ADAMTS6: variants seen among roughly 807,000 people sequenced by gnomAD.
ADAMTS6 encodes the protein ADAM metallopeptidase with thrombospondin type 1 motif 6, also known as A disintegrin and metalloproteinase with thrombospondin motifs 6.
ADAMTS6 carries 23 observed loss-of-function variants against 144.3 expected under a neutral mutation model. The observed-to-expected ratio is 0.16, with a 90% CI of 0.11 to 0.23. ADAMTS6 has a LOEUF of 0.23. Among genes scored for constraint, ADAMTS6 ranks in the 10% least tolerant of loss-of-function variants. ADAMTS6 has a pLI of 1.00. For missense variants in ADAMTS6, 999 were observed against 1,379.6 expected (o/e 0.72, Z 4.37); for synonymous variants, 444 against 457.5 (o/e 0.97, Z 0.38).
In ADAMTS6 at chr5:65,343,959, A is replaced by G. The variant is rs149722694; in HGVS notation, c.1074-9874T>C. On this transcript the variant is annotated intron_variant, in intron 7 of 24. Coordinates refer to ENST00000381055, the MANE Select transcript of ADAMTS6 (RefSeq NM_197941.4). ...AACACATACATTTTTAAAATGCTCA[A>G]CATCACTAATCGTCATGCTTTTGCT... 2.7e-3 allele frequency among the ~76,000 whole-genome samples: 417 copies of G among 152,150 alleles called. 1 individual carries two copies. Among genetic ancestry groups the G allele is most frequent in the African/African-American group, 9.7e-3 (401 of 41,544 alleles).
At chr5:65,294,112 C>T (rs1017660155) in intron 10 of ADAMTS6, among the ~76,000 whole-genome samples, 2 of 152,210 alleles carry the variant, frequency 1.3e-5, no homozygotes, top group Non-Finnish European at 2.9e-5. Flanking sequence ...TACATTTCTA[C>T]ACGTTTACTA....
At chr5:65,190,052 A>G (rs1428170098) in intron 21 of ADAMTS6, among the ~76,000 whole-genome samples, 2 of 152,234 alleles carry the variant, frequency 1.3e-5, no homozygotes, top group African/African-American at 4.8e-5. Flanking sequence ...AAGTCAGAGT[A>G]CTAGTATCCT....
At chr5:65,202,474 T>C (rs1278060556) in intron 20 of ADAMTS6, among the ~76,000 whole-genome samples, 3 of 152,172 alleles carry the variant, frequency 2.0e-5, no homozygotes, top group Non-Finnish European at 4.4e-5. Context: ...TATACTTTTT[T>C]AGTACTATAA....
intron 7 of ADAMTS6, among the ~76,000 whole-genome samples, chr5:65,425,775 T>G (rs1408692513): frequency 2.0e-5 from 3 of 152,138 alleles, no homozygotes; most frequent in Non-Finnish European, 4.4e-5. Context: ...TTCTTTTTTT[T>G]TTTTTTGAGA....
At chr5:65,332,024 G>A (rs1236691265) in intron 8 of ADAMTS6, among the ~76,000 whole-genome samples, 1 of 151,566 alleles carries the variant, frequency 6.6e-6, no homozygotes, top group Non-Finnish European at 1.5e-5. Context: ...ATTATTTTGA[G>A]AAAAATAAAA....
intron 7 of ADAMTS6, among the ~76,000 whole-genome samples, chr5:65,399,701 A>G (rs1169143852): frequency 1.3e-5 from 2 of 148,950 alleles, no homozygotes; most frequent in Non-Finnish European, 3.0e-5. Context: ...TCATTTATAC[A>G]TGAGCATATA....
chr5:65,418,178 A>C (rs1161722674), intron 7 of ADAMTS6, among the ~76,000 whole-genome samples: 1 of 152,140 alleles, frequency 6.6e-6, no homozygotes, highest in Non-Finnish European at 1.5e-5. Context: ...TTCAAAATGA[A>C]ACTGGGCACC....
rs1284113768 is a variant in ADAMTS6, at chr5:65,374,075, G to C, written c.1074-39990C>G. On this transcript the variant is annotated intron_variant, in intron 7 of 24. Coordinates refer to ENST00000381055, the MANE Select transcript of ADAMTS6 (RefSeq NM_197941.4). ...ATTCAACAACCCTTCATGCTAAAAA[G>C]TCTCAATAAATTAGGTATTGATGGG... is the stretch of plus-strand genomic sequence containing the variant. Among the ~76,000 whole-genome samples the C allele has an allele frequency of 2.9e-3, 435 of 152,100 alleles. 2 individuals are homozygous for C. The highest frequency in any genetic ancestry group is 1.0e-2 in the African/African-American group (414 of 41,504).
At chr5:65,190,592 C>T (rs1029067983) in intron 21 of ADAMTS6, among the ~76,000 whole-genome samples, 4 of 152,248 alleles carry the variant, frequency 2.6e-5, no homozygotes, top group African/African-American at 9.6e-5. Flanking sequence ...ACACAGGTGT[C>T]CCGAGTAACC....
rs144194342 is a variant in ADAMTS6 at position 65,193,961 on chromosome 5, C to T, written c.2705+3061G>A. ...TGTAATACAATTTTTTTTATATACA[C>T]ATGCCTCTGTATACATAGAAAAAAT... On this transcript the variant is annotated intron_variant, in intron 21 of 24. Transcript: ENST00000381055. Among the ~76,000 whole-genome samples the T allele has an allele frequency of 2.9e-3, 449 of 152,282 alleles. 3 individuals are homozygous for T. The highest frequency in any genetic ancestry group is 0.01 in the African/African-American group (435 of 41,568).
At chr5:65,403,158 G>C (rs1270711105) in intron 7 of ADAMTS6, among the ~76,000 whole-genome samples, 1 of 151,938 alleles carries the variant, frequency 6.6e-6, no homozygotes, top group Non-Finnish European at 1.5e-5. Flanking sequence ...TTTTTCACTT[G>C]TCTTTCAGAG....
At chr5:65,345,720 T>C (rs1006071774) in intron 7 of ADAMTS6, among the ~76,000 whole-genome samples, 20 of 151,872 alleles carry the variant, frequency 1.3e-4, no homozygotes, top group African/African-American at 2.9e-4. Flanking sequence ...CACTTTGAAG[T>C]CACTTTTGAG....
intron 7 of ADAMTS6, among the ~76,000 whole-genome samples, chr5:65,431,219 T>C (rs925789537): frequency 1.3e-5 from 2 of 152,134 alleles, no homozygotes; most frequent in Non-Finnish European, 2.9e-5. Flanking sequence ...ATATGTCTCA[T>C]AGGCTTTGGT....
intron 21 of ADAMTS6, among the ~76,000 whole-genome samples, chr5:65,194,183 T>C (rs1007377546): frequency 2.0e-5 from 3 of 152,238 alleles, no homozygotes; most frequent in Non-Finnish European, 2.9e-5. Flanking sequence ...GAATCTCAGA[T>C]GGTCCCTGAT....
At chr5:65,290,032 TATC>T (rs1252729199) in intron 11 of ADAMTS6, among the ~76,000 whole-genome samples, 3 of 152,154 alleles carry the variant, frequency 2.0e-5, no homozygotes, top group Non-Finnish European at 2.9e-5. Context: ...AGGTTCTACA[TATC>T]ATATAATCAC....
chr5:65,303,789 A>G (rs1702923470), intron 9 of ADAMTS6, among the ~76,000 whole-genome samples: 1 of 152,128 alleles, frequency 6.6e-6, no homozygotes, highest in Admixed American at 6.5e-5. Flanking sequence ...TATTTTTTAA[A>G]TGCATAATGG....
intron 24 of ADAMTS6, among the ~76,000 whole-genome samples, chr5:65,164,113 G>T (rs1433768804): frequency 1.3e-5 from 2 of 152,108 alleles, no homozygotes; most frequent in Non-Finnish European, 2.9e-5. Context: ...ATTTCCATCT[G>T]AGGTACCGGG....
chr5:65,275,424 GAA>G (rs749903353), intron 11 of ADAMTS6, among the ~76,000 whole-genome samples: 2 of 139,420 alleles, frequency 1.4e-5, no homozygotes, highest in South Asian at 2.3e-4. Context: ...AGAAAAGAAA[GAA>G]AGAAAGAAAA....
chr5:65,204,637 A>G (rs1483509474), intron 20 of ADAMTS6, among the ~76,000 whole-genome samples: 3 of 152,182 alleles, frequency 2.0e-5, no homozygotes, highest in African/African-American at 7.2e-5. Context: ...TCCGATAAAT[A>G]TATTATTTTT....
Sources: gnomAD v4.1 joint callset for allele counts (sites outside exome capture counted in the v4.1 genomes callset) on GRCh38, gnomAD v4.1.1 for gene constraint, MANE v1.5 for transcripts, NCBI Gene and HGNC (gene_info 2026-07-23, HGNC 2026-07-21) for gene names.